Variants in UBA6 observed in about 807,000 individuals in gnomAD.
UBA6 encodes the protein ubiquitin like modifier activating enzyme 6, also known as ubiquitin-like modifier-activating enzyme 6.
Under a neutral mutation model 148.3 loss-of-function variants are expected in UBA6, and 87 were observed. That is an observed-to-expected ratio of 0.59 (90% confidence interval 0.49 to 0.70). UBA6 has a LOEUF of 0.70. UBA6 is among the 30% of genes least tolerant of loss of function. The pLI, the probability that UBA6 is intolerant of heterozygous loss-of-function variation, is 0.00. For synonymous variants in UBA6, 376 were observed against 401.0 expected (o/e 0.94, Z 0.75); for missense variants, 1,186 against 1,241.2 (o/e 0.96, Z 0.67).
chr4:67,700,328 G>A (rs189739655), intron 1 of UBA6, among the ~76,000 whole-genome samples: 1 of 152,298 alleles, frequency 6.6e-6, no homozygotes, highest in African/African-American at 2.4e-5. Context: ...TTGGCATGGT[G>A]TATTCTGACA....
At chr4:67,619,218 T>G (rs1398958059) in intron 32 of UBA6, 86 bp from the exon 33 acceptor site, 1 of 974,100 alleles carries the variant, frequency 1.0e-6, no homozygotes, top group African/African-American at 1.6e-5. Context: ...CCAGAGAACC[T>G]GGACTTGTAT....
intron 9 of UBA6, 127 bp from the exon 10 acceptor site, chr4:67,665,419 TTTTG>T (rs776735218): frequency 1.1e-4 from 57 of 537,182 alleles, no homozygotes; most frequent in East Asian, 4.3e-4. Context: ...TAGTGTTTTT[TTTTG>T]TTTGTTTGTT....
intron 2 of UBA6, among the ~76,000 whole-genome samples, chr4:67,692,542 T>A (rs1302373773): frequency 6.6e-6 from 1 of 152,196 alleles, no homozygotes; most frequent in Non-Finnish European, 1.5e-5. Context: ...CAAGCAGGCC[T>A]GGACAAGAAC....
chr4:67,633,202 T>A (rs1338286046), intron 23 of UBA6, 143 bp downstream of exon 23: 2 of 619,278 alleles, frequency 3.2e-6, no homozygotes, highest in African/African-American at 1.9e-5. Context: ...TAGATTAGCA[T>A]GTGTTCTCAT....
In UBA6 at chr4:67,630,539, T is replaced by A; in HGVS notation, c.2259-4A>T. On this transcript the variant is annotated splice_polypyrimidine_tract_variant and splice_region_variant and intron_variant, in intron 25 of 32. Transcript: ENST00000322244. Reference sequence around the variant, plus strand: ...ATTCTGAAGGAAACTGAGGTGCCTTTTGAAATTAAAAAATAAAGCAAAATT... The same window carrying A: ...ATTCTGAAGGAAACTGAGGTGCCTTATGAAATTAAAAAATAAAGCAAAATT... 6.4e-7 allele frequency: 1 copy of A among 1,566,174 alleles called. No individual in the cohort carries two copies. The highest frequency in any genetic ancestry group is 1.2e-5 in the South Asian group (1 of 83,590).
In UBA6 at chr4:67,682,079, C is replaced by T. The variant is rs200743491; in HGVS notation, c.229+40G>A. On this transcript the variant is annotated intron_variant, in intron 3 of 32. Transcript: ENST00000322244. ...TAAGTTATTTAAACTATCTTCATTG[C>T]TCAAAAGTGTCAAAAATTAGGAATA... is the stretch of plus-strand genomic sequence containing the variant. 29 of 1,446,764 alleles carry T rather than the reference C, an allele frequency of 2.0e-5. No homozygotes were observed. The Admixed American group carries it at 2.9e-4, about 15-fold the overall frequency. The allele number at this position is 1,446,764 out of a possible 1,614,324, so 89.6% of individuals were successfully genotyped here. A position where few individuals can be genotyped will look rare whatever the true frequency, so the allele number is the denominator to read the frequency against.
In UBA6 at chr4:67,630,493, T is replaced by G; in HGVS notation, c.2301A>C (p.Thr767=). 6.3e-7 allele frequency: 1 copy of G among 1,589,072 alleles called. No individual in the cohort carries two copies. The change falls in exon 26 of 33, where the codon ACA becomes ACC. Residue 767 remains threonine, a synonymous_variant. Transcript: ENST00000322244. ...CTTCTGCAAATGGAATACAATATACTGTAGCATATAGTTTTGCAGCATTCT... is the reference window on the plus strand; with the variant it reads ...CTTCTGCAAATGGAATACAATATACGGTAGCATATAGTTTTGCAGCATTCT... ...FLQNAAKLYA[T]VYCIPFAEED...
rs71219062 is a variant in UBA6, at chr4:67,637,935, T to TATAAATAAATAAATAA, written c.1736+992_1736+1007dup. On this transcript the variant is annotated intron_variant, in intron 19 of 32. Coordinates refer to ENST00000322244, the MANE Select transcript of UBA6 (RefSeq NM_018227.6). ...GCGAGAAACACCCAAGAATGATCAA[T>TATAAATAAATAAATAA]ATAAATAAATAAATAAATAAATAAA... Among the ~76,000 whole-genome samples the TATAAATAAATAAATAA allele has an allele frequency of 2.1e-3, 301 of 143,828 alleles. 2 individuals are homozygous for TATAAATAAATAAATAA. Among genetic ancestry groups the TATAAATAAATAAATAA allele is most frequent in the African/African-American group, 7.2e-3 (281 of 39,276 alleles). The allele number at this position is 143,828 out of a possible 152,430, so 94.4% of individuals were successfully genotyped here.
At position 67,614,175 on chromosome 4, in the gene UBA6, A is replaced by G. The variant is rs1728584950; in HGVS notation, c.*4822T>C. On this transcript the variant is annotated 3_prime_UTR_variant, in exon 33 of 33. Transcript: ENST00000322244. ...GATCCCAGGTCTTCAGATAAACTCG[A>G]CCAATTGTCAACCAGAAAATGTTTT... 6.6e-6 allele frequency: 1 copy of G among 152,232 alleles called. No individual in the cohort carries two copies. Among genetic ancestry groups the G allele is most frequent in the Non-Finnish European group, 1.5e-5 (1 of 68,050 alleles). The allele number at this position is 152,232 out of a possible 1,614,324, so 9.4% of individuals were successfully genotyped here. A position where few individuals can be genotyped will look rare whatever the true frequency, so the allele number is the denominator to read the frequency against.
intron 5 of UBA6, among the ~76,000 whole-genome samples, chr4:67,678,034 A>T (rs1017413243): frequency 1.4e-5 from 2 of 146,490 alleles, no homozygotes; most frequent in African/African-American, 4.9e-5. Flanking sequence ...ATTCAAGGAA[A>T]TACATTTCTA....
chr4:67,634,546 C>T, intron 20 of UBA6, 28 bp from the exon 21 acceptor site: 3 of 1,495,000 alleles, frequency 2.0e-6, no homozygotes, highest in Non-Finnish European at 2.7e-6. Flanking sequence ...ACAACAGGTA[C>T]TTAAGGGGAA....
rs1244204174 is a variant in UBA6, at chr4:67,701,050, T to G, written c.70A>C (p.Ser24Arg). The G allele has an allele frequency of 2.5e-6, 4 of 1,613,770 alleles. No homozygotes were observed. Among genetic ancestry groups the G allele is most frequent in the Non-Finnish European group, 3.4e-6 (4 of 1,179,740 alleles). Residue 24 changes from serine (S) to arginine (R), a missense_variant and splice_region_variant, in exon 1 of 33, where the codon AGC becomes CGC. Coordinates refer to ENST00000322244, the MANE Select transcript of UBA6 (RefSeq NM_018227.6). ...CCTTCGCCCTTCTCGTCCTCTCACC[T>G]GCCAGTCCCCCAGGAAGAACAGGAC... The part of the protein sequence containing the change: ...EASCSSWGTG[S>R]TNKNLPIMST...
intron 6 of UBA6, among the ~76,000 whole-genome samples, chr4:67,675,692 C>T (rs992116666): frequency 1.3e-5 from 2 of 151,292 alleles, no homozygotes; most frequent in African/African-American, 4.9e-5. Context: ...GACTATGCCA[C>T]TGCACTCCAG....
intron 23 of UBA6, among the ~76,000 whole-genome samples, chr4:67,632,802 G>C (rs1241973091): frequency 1.3e-5 from 2 of 152,114 alleles, no homozygotes; most frequent in African/African-American, 4.8e-5. Flanking sequence ...GGCCAGACTG[G>C]AAAACATAGG....
At chr4:67,696,383 TTATA>T (rs1003155013) in intron 2 of UBA6, among the ~76,000 whole-genome samples, 1 of 151,798 alleles carries the variant, frequency 6.6e-6, no homozygotes, top group South Asian at 2.1e-4. Flanking sequence ...GAGGAACTCT[TTATA>T]TATATGTGTG....
intron 2 of UBA6, among the ~76,000 whole-genome samples, chr4:67,683,126 A>G (rs1480343650): frequency 6.6e-6 from 1 of 152,190 alleles, no homozygotes; most frequent in Admixed American, 6.5e-5. Flanking sequence ...TTCTTTTTAA[A>G]TTGGTACTCA....
intron 19 of UBA6, among the ~76,000 whole-genome samples, chr4:67,636,454 C>T (rs1463084524): frequency 6.6e-6 from 1 of 152,348 alleles, no homozygotes; most frequent in African/African-American, 2.4e-5. Context: ...CGAAGCTGGA[C>T]TGTACTGCTG....
chr4:67,632,813 G>A (rs1048198686), intron 23 of UBA6, among the ~76,000 whole-genome samples: 3 of 151,970 alleles, frequency 2.0e-5, no homozygotes, highest in Non-Finnish European at 2.9e-5. Flanking sequence ...AAAACATAGG[G>A]AAACCCTGTT....
intron 6 of UBA6, among the ~76,000 whole-genome samples, chr4:67,676,677 G>A (rs887738844): frequency 1.3e-5 from 2 of 152,228 alleles, no homozygotes; most frequent in Admixed American, 6.5e-5. Context: ...AACTCCTGTC[G>A]CTAAGAGTAC....
Sources: allele counts gnomAD v4.1 joint callset (sites outside exome capture counted in the v4.1 genomes callset), GRCh38; gene constraint gnomAD v4.1.1; transcripts MANE v1.5; gene names NCBI Gene and HGNC (gene_info 2026-07-23, HGNC 2026-07-21).